PRKCA: variants seen among roughly 807,000 people sequenced by gnomAD.
PRKCA encodes protein kinase C alpha type.
PRKCA carries 27 observed loss-of-function variants against 87.0 expected under a neutral mutation model. That is an observed-to-expected ratio of 0.31 (90% confidence interval 0.23 to 0.43). The LOEUF (loss-of-function observed/expected upper bound fraction) is 0.43, where lower values mean the gene tolerates loss of function less well. Ranked by LOEUF, PRKCA falls within the 20% of genes least tolerant of loss-of-function variation. PRKCA has a pLI of 1.00. For synonymous variants in PRKCA, 329 were observed against 311.1 expected (o/e 1.06, Z -0.61); for missense variants, 518 against 852.3 (o/e 0.61, Z 4.88).
At chr17:66,555,908 GCTA>G (rs1173168956) in intron 3 of PRKCA, among the ~76,000 whole-genome samples, 2 of 152,018 alleles carry the variant, frequency 1.3e-5, no homozygotes, top group East Asian at 3.9e-4. Context: ...GGCAATGCGT[GCTA>G]CTAATTATTT....
At chr17:66,453,737 GGACTCT>G (rs1027234583) in intron 2 of PRKCA, among the ~76,000 whole-genome samples, 31 of 152,058 alleles carry the variant, frequency 2.0e-4, no homozygotes, top group African/African-American at 7.0e-4. Context: ...GGGCTTCCTG[GGACTCT>G]TCTGGGTTGT....
intron 2 of PRKCA, among the ~76,000 whole-genome samples, chr17:66,390,879 AG>A (rs1910322512): frequency 6.6e-6 from 1 of 150,900 alleles, no homozygotes; most frequent in Admixed American, 6.7e-5. Context: ...CCAAGCCAGG[AG>A]TCAACGCTGG....
At chr17:66,581,677 G>A (rs528444041) in intron 3 of PRKCA, among the ~76,000 whole-genome samples, 7 of 151,930 alleles carry the variant, frequency 4.6e-5, no homozygotes, top group Non-Finnish European at 8.8e-5. Context: ...GGGTTTCACC[G>A]TTTTAGCCAG....
At chr17:66,381,517 T>C (rs1051192999) in intron 2 of PRKCA, among the ~76,000 whole-genome samples, 1 of 151,980 alleles carries the variant, frequency 6.6e-6, no homozygotes, top group South Asian at 2.1e-4. Flanking sequence ...AAGTTTAAAT[T>C]TGAGAGGAGG....
intron 3 of PRKCA, among the ~76,000 whole-genome samples, chr17:66,559,508 C>CTCTCCAGT (rs1343327172): frequency 9.1e-6 from 1 of 110,428 alleles, no homozygotes; most frequent in Non-Finnish European, 1.8e-5. Flanking sequence ...AAAAAAAAAG[C>CTCTCCAGT]TCTCCAGTAC....
At chr17:66,496,461 C>T (rs923017335) in intron 3 of PRKCA, among the ~76,000 whole-genome samples, 178 bp downstream of exon 3, 14 of 152,168 alleles carry the variant, frequency 9.2e-5, no homozygotes, top group African/African-American at 3.4e-4. Flanking sequence ...TGGACTACAT[C>T]TTAGAGAATT....
At chr17:66,437,731 T>TTTTTTTTTTGGGGG (rs55779501) in intron 2 of PRKCA, among the ~76,000 whole-genome samples, 4 of 11,164 alleles carry the variant, frequency 3.6e-4, no homozygotes, top group Non-Finnish European at 6.5e-4. Context: ...TTTTTTTTTT[T>TTTTTTTTTTGGGGG]GAGCGGGGGG....
At chr17:66,510,033 C>T (rs1917155076) in intron 3 of PRKCA, among the ~76,000 whole-genome samples, 1 of 152,088 alleles carries the variant, frequency 6.6e-6, no homozygotes, top group Admixed American at 6.6e-5. Context: ...TTGTTTGAGA[C>T]TTTTGGCAAC....
chr17:66,747,057 A>G (rs74329739), intron 13 of PRKCA, among the ~76,000 whole-genome samples: 6,040 of 152,098 alleles, frequency 0.04, 410 homozygotes, highest in African/African-American at 0.14. Context: ...TATTTATTTT[A>G]TATAATTTTG....
intron 2 of PRKCA, among the ~76,000 whole-genome samples, chr17:66,446,500 A>G (rs764801013): frequency 8.5e-5 from 13 of 152,170 alleles, no homozygotes; most frequent in Non-Finnish European, 1.5e-4. Context: ...TTCTGTTTAA[A>G]TGGGGCTTGT....
At chr17:66,635,476 T>C (rs1971129689) in intron 3 of PRKCA, among the ~76,000 whole-genome samples, 1 of 152,238 alleles carries the variant, frequency 6.6e-6, no homozygotes, top group Non-Finnish European at 1.5e-5. Flanking sequence ...GAGATGATTT[T>C]GTTTTGAAAA....
intron 13 of PRKCA, among the ~76,000 whole-genome samples, chr17:66,750,175 G>A (rs1477968276): frequency 6.6e-6 from 1 of 151,860 alleles, no homozygotes; most frequent in Non-Finnish European, 1.5e-5. Flanking sequence ...ATCAGCACCA[G>A]CAATGGCTCC....
chr17:66,312,303 T>A (rs1905124009), intron 2 of PRKCA, among the ~76,000 whole-genome samples: 1 of 152,182 alleles, frequency 6.6e-6, no homozygotes, highest in Admixed American at 6.5e-5. Flanking sequence ...TTCTTTACAT[T>A]TTTTGGTGGT....
At chr17:66,686,211 C>T (rs1972622759) in intron 5 of PRKCA, among the ~76,000 whole-genome samples, 2 of 152,196 alleles carry the variant, frequency 1.3e-5, no homozygotes, top group African/African-American at 4.8e-5. Context: ...TGAGCCTCTG[C>T]CAGCTCTTAA....
At chr17:66,616,633 C>G (rs1299212891) in intron 3 of PRKCA, among the ~76,000 whole-genome samples, 2 of 152,182 alleles carry the variant, frequency 1.3e-5, no homozygotes, top group African/African-American at 4.8e-5. Flanking sequence ...CTGCCCCCAG[C>G]TACCAGAGCC....
chr17:66,440,978 A>T (rs1271048182), intron 2 of PRKCA, among the ~76,000 whole-genome samples: 1 of 151,862 alleles, frequency 6.6e-6, no homozygotes, highest in Non-Finnish European at 1.5e-5. Context: ...GCCTGGCAAC[A>T]TGGTGAACCC....
intron 1 of PRKCA, 134 bp from the exon 2 acceptor site, chr17:66,305,961 TG>T (rs761974954): frequency 1.2e-4 from 98 of 796,100 alleles, no homozygotes; most frequent in Middle Eastern, 1.0e-3. Context: ...TATTTAGGTA[TG>T]TTTTTTTCTA....
At chr17:66,551,980 A>G (rs933968643) in intron 3 of PRKCA, among the ~76,000 whole-genome samples, 1 of 152,154 alleles carries the variant, frequency 6.6e-6, no homozygotes, top group Non-Finnish European at 1.5e-5. Context: ...TTTACAGTGT[A>G]TATATTTATG....
intron 2 of PRKCA, among the ~76,000 whole-genome samples, chr17:66,375,844 G>A (rs1010586093): frequency 6.6e-6 from 1 of 152,152 alleles, no homozygotes; most frequent in Non-Finnish European, 1.5e-5. Context: ...TATGGACCCG[G>A]CATGTGGCTT....
Sources: gnomAD v4.1 joint callset for allele counts (sites outside exome capture counted in the v4.1 genomes callset) on GRCh38, gnomAD v4.1.1 for gene constraint, MANE v1.5 for transcripts, NCBI Gene and HGNC (gene_info 2026-07-23, HGNC 2026-07-21) for gene names.